COPS6: variants seen among roughly 807,000 people sequenced by gnomAD.
COPS6 encodes COP9 signalosome complex subunit 6.
A neutral mutation model predicts 41.0 loss-of-function variants in COPS6; 9 were observed. The ratio of observed to expected loss-of-function variants is 0.22; its 90% CI spans 0.13 to 0.38. The LOEUF (loss-of-function observed/expected upper bound fraction) is 0.38. Among genes scored for constraint, COPS6 ranks in the 10% least tolerant of loss-of-function variants. COPS6 has a pLI of 1.00. For synonymous variants in COPS6, 179 were observed against 162.9 expected (o/e 1.10, Z -0.75); for missense variants, 302 against 436.7 (o/e 0.69, Z 2.75).
At position 100,091,622 on chromosome 7, in the gene COPS6, G is replaced by A. The variant is rs1330536387; in HGVS notation, c.844-27G>A. On this transcript the variant is annotated intron_variant, in intron 9 of 9. Coordinates refer to ENST00000303904, the MANE Select transcript of COPS6 (RefSeq NM_006833.5). This position sits in a 1 kb window ranked among gnomAD's most constrained non-coding sequence, Gnocchi z 4.1. ...CGGGCATGCCACGAGGGATCCCGAG[G>A]AACTGGTCCTTTCTGTTCCCTCCCA... 4 of 1,614,148 alleles carry A rather than the reference G, an allele frequency of 2.5e-6. No homozygotes were observed. Among genetic ancestry groups the A allele is most frequent in the African/African-American group, 1.3e-5 (1 of 75,048 alleles).
rs1359812367 is a variant in COPS6, at chr7:100,090,601, A to C, written c.433A>C (p.Ile145Leu). The change falls in exon 5 of 10, where the codon ATC becomes CTC. Residue 145 changes from isoleucine (I) to leucine (L), a missense_variant. Physicochemically the swap from Ile to Leu is conservative, Grantham distance 5. This residue lies in a region of COPS6 where 222 missense variants were observed against 309.0 expected (regional missense o/e 0.72). Coordinates refer to ENST00000303904, the MANE Select transcript of COPS6 (RefSeq NM_006833.5). Reference sequence around the variant, plus strand: ...TGTCCCTCTCTTCCAGGTGTGTGAGATCATCGAGAGCCCCCTCTTTCTGAA... The same window carrying C: ...TGTCCCTCTCTTCCAGGTGTGTGAGCTCATCGAGAGCCCCCTCTTTCTGAA... ...DIHVHKQVCE[I>L]IESPLFLKLN... is the part of the protein sequence containing the mutation. The C allele has an allele frequency of 1.9e-6, 3 of 1,614,102 alleles. No homozygotes were observed. The highest frequency in any genetic ancestry group is 2.5e-6 in the Non-Finnish European group (3 of 1,179,998).
intron 5 of COPS6, 68 bp from the exon 6 acceptor site, chr7:100,090,834 G>A: frequency 1.3e-6 from 2 of 1,563,666 alleles, no homozygotes; most frequent in South Asian, 2.2e-5. Context: ...AAGATGAGAG[G>A]AAATGTGTAA....
At chr7:100,090,513 C>G in intron 4 of COPS6, 26 bp downstream of exon 4, 2 of 1,611,206 alleles carry the variant, frequency 1.2e-6, no homozygotes, top group Non-Finnish European at 1.7e-6. Context: ...CCTGTGCATG[C>G]TGGGGCAGAG....
At chr7:100,090,514 T>C (rs1795298947) in intron 4 of COPS6, 27 bp downstream of exon 4, 1 of 1,610,256 alleles carries the variant, frequency 6.2e-7, no homozygotes, top group African/African-American at 1.3e-5. Context: ...CTGTGCATGC[T>C]GGGGCAGAGA....
rs1309311912 is a variant in COPS6 at position 100,091,185 on chromosome 7, GA to G, written c.649+35del. The G allele has an allele frequency of 2.5e-6, 4 of 1,613,658 alleles. No individual in the cohort carries two copies. Among genetic ancestry groups the G allele is most frequent in the Non-Finnish European group, 3.4e-6 (4 of 1,179,538 alleles). ...AGGGGATTCCTTGGAAGTGGGGTTGGAAGGTGTGGCCACATCCCGTCTCAAC... is the reference window on the plus strand; with the variant it reads ...AGGGGATTCCTTGGAAGTGGGGTTGGAGGTGTGGCCACATCCCGTCTCAAC... On this transcript the variant is annotated intron_variant, in intron 7 of 9. Coordinates refer to ENST00000303904, the MANE Select transcript of COPS6 (RefSeq NM_006833.5). This position sits in a 1 kb window ranked among gnomAD's most constrained non-coding sequence, Gnocchi z 4.1.
intron 6 of COPS6, 42 bp from the exon 7 acceptor site, chr7:100,090,996 C>A (rs1332413986): frequency 6.2e-7 from 1 of 1,613,808 alleles, no homozygotes; most frequent in African/African-American, 1.3e-5. Flanking sequence ...TGGCCTCTTT[C>A]CTGCTTTTGA....
At chr7:100,090,723 T>C (rs1795302917) in intron 5 of COPS6, 69 bp downstream of exon 5, 9 of 1,526,792 alleles carry the variant, frequency 5.9e-6, no homozygotes, top group South Asian at 4.5e-5. Flanking sequence ...CACTCCTCTA[T>C]TGGGGAATGC....
Position 100,090,588 on chromosome 7 carries a change from C to A in COPS6, c.424-4C>A. The A allele has an allele frequency of 6.2e-7, 1 of 1,614,038 alleles. No individual in the cohort carries two copies. The highest frequency in any genetic ancestry group is 8.5e-7 in the Non-Finnish European group (1 of 1,179,934). On this transcript the variant is annotated splice_region_variant and splice_polypyrimidine_tract_variant and intron_variant, in intron 4 of 9. Transcript: ENST00000303904. ...ACTTCCTGTGCATTGTCCCTCTCTTCCAGGTGTGTGAGATCATCGAGAGCC... is the reference window on the plus strand; with the variant it reads ...ACTTCCTGTGCATTGTCCCTCTCTTACAGGTGTGTGAGATCATCGAGAGCC...
Position 100,090,581 on chromosome 7 carries a change from C to T in COPS6, c.424-11C>T. 1.2e-6 allele frequency: 2 copies of T among 1,613,928 alleles called. No homozygotes were observed. The highest frequency in any genetic ancestry group is 1.7e-6 in the Non-Finnish European group (2 of 1,179,814). ...GGCACTGACTTCCTGTGCATTGTCC[C>T]TCTCTTCCAGGTGTGTGAGATCATC... On this transcript the variant is annotated splice_polypyrimidine_tract_variant and intron_variant, in intron 4 of 9. Coordinates refer to ENST00000303904, the MANE Select transcript of COPS6 (RefSeq NM_006833.5).
rs140641576 is a variant in COPS6 at position 100,090,823 on chromosome 7, G to A, written c.487-79G>A. On this transcript the variant is annotated intron_variant, in intron 5 of 9. Transcript: ENST00000303904. ...AATCCCTACTTCATTGGTTTCTTGGGAAGATGAGAGGAAATGTGTAAAAGC... is the reference window on the plus strand; with the variant it reads ...AATCCCTACTTCATTGGTTTCTTGGAAAGATGAGAGGAAATGTGTAAAAGC... 1,036 of 1,540,514 alleles carry A rather than the reference G, an allele frequency of 6.7e-4. 4 individuals carry two copies. The highest frequency in any genetic ancestry group is 2.5e-3 in the Admixed American group (150 of 59,704).
At chr7:100,089,438 A>G in intron 2 of COPS6, 23 bp downstream of exon 2, 1 of 1,613,710 alleles carries the variant, frequency 6.2e-7, no homozygotes, top group East Asian at 2.2e-5. Flanking sequence ...CATAGACTCC[A>G]GTCTCTTCTC....
intron 1 of COPS6, 78 bp from the exon 2 acceptor site, chr7:100,089,212 C>T (rs1168804187): frequency 1.9e-6 from 3 of 1,541,386 alleles, no homozygotes; most frequent in African/African-American, 2.8e-5. Context: ...GCCCGGGCTC[C>T]GCCGTCCCCC....
At position 100,091,709 on chromosome 7, in the gene COPS6, A is replaced by T; in HGVS notation, c.904A>T (p.Met302Leu). 6.2e-7 allele frequency: 1 copy of T among 1,614,226 alleles called. No individual in the cohort carries two copies. ...LGTITKTCNT[M>L]NQFVNKFNVL... is the part of the protein sequence containing the mutation. The stretch of plus-strand genomic sequence containing the variant: ...CACCATCACCAAAACGTGCAACACC[A>T]TGAACCAGTTTGTGAACAAGTTCAA... The change falls in exon 10 of 10, where the codon ATG becomes TTG. Residue 302 changes from methionine to leucine, a missense_variant. This residue lies in a region of COPS6 where 222 missense variants were observed against 309.0 expected (regional missense o/e 0.72). Coordinates refer to ENST00000303904, the MANE Select transcript of COPS6 (RefSeq NM_006833.5). The surrounding 1 kb of genome is among the most constrained non-coding windows in gnomAD (Gnocchi z 4.1).
At position 100,091,527 on chromosome 7, in the gene COPS6, G is replaced by T. The variant is rs758455552; in HGVS notation, c.843+7G>T. 6.2e-7 allele frequency: 1 copy of T among 1,613,972 alleles called. No homozygotes were observed. Among genetic ancestry groups the T allele is most frequent in the South Asian group, 1.1e-5 (1 of 91,080 alleles). On this transcript the variant is annotated splice_region_variant and intron_variant, in intron 9 of 9. Transcript: ENST00000303904. The surrounding 1 kb of genome is among the most constrained non-coding windows in gnomAD (Gnocchi z 4.1). The stretch of plus-strand genomic sequence containing the variant: ...CAAGACAGATTTTTATGATGTGAGT[G>T]TAAAACCCGGATGGGGAGGCGGGGC...
At chr7:100,090,294 G>A in intron 3 of COPS6, 105 bp from the exon 4 acceptor site, 3 of 792,172 alleles carry the variant, frequency 3.8e-6, no homozygotes, top group Non-Finnish European at 6.2e-6. Context: ...GTTGTGGTGA[G>A]CTGAGATCAT....
At position 100,090,595 on chromosome 7, in the gene COPS6, T is replaced by A; in HGVS notation, c.427T>A (p.Cys143Ser). 6.2e-7 allele frequency: 1 copy of A among 1,614,122 alleles called. No homozygotes were observed. The highest frequency in any genetic ancestry group is 2.2e-5 in the East Asian group (1 of 44,878). ...PSDIHVHKQVCEIIESPLFLK... is the reference protein window; with the variant it reads ...PSDIHVHKQVSEIIESPLFLK... ...GTGCATTGTCCCTCTCTTCCAGGTG[T>A]GTGAGATCATCGAGAGCCCCCTCTT... is the stretch of plus-strand genomic sequence containing the variant. Residue 143 changes from cysteine (C) to serine (S), a missense_variant, in exon 5 of 10, where the codon TGT becomes AGT. By Grantham distance (112) the Cys-to-Ser change is moderately radical (BLOSUM62 -1). This residue lies in a region of COPS6 where 222 missense variants were observed against 309.0 expected (regional missense o/e 0.72). Coordinates refer to ENST00000303904, the MANE Select transcript of COPS6 (RefSeq NM_006833.5).
In COPS6 at chr7:100,090,911, A is replaced by G; in HGVS notation, c.496A>G (p.Ser166Gly). The G allele has an allele frequency of 6.2e-7, 1 of 1,614,212 alleles. No individual in the cohort carries two copies. Residue 166 changes from serine (S) to glycine (G), a missense_variant, in exon 6 of 10, where the codon AGC (serine) becomes GGC (glycine). Around this residue, in one of 3 missense-constraint regions of COPS6, gnomAD observed 222 missense variants for 309.0 expected, o/e 0.72. Transcript: ENST00000303904. ...TCCGTCTCCTTCACAGCTTCCTGTC[A>G]GCGTTTTTGAGTCTGTCATTGATAT... ...PMTKHTDLPVSVFESVIDIIN... is the reference protein window; with the variant it reads ...PMTKHTDLPVGVFESVIDIIN...
intron 3 of COPS6, 122 bp downstream of exon 3, chr7:100,089,868 G>A: frequency 2.2e-6 from 2 of 926,276 alleles, no homozygotes; most frequent in East Asian, 5.3e-5. Context: ...GAGAAAAAGT[G>A]AAGAGTAGCT....
rs768016038 is a variant in COPS6, at chr7:100,091,284, C to T, written c.696C>T (p.His232=). ...IAQHSAIKML[H]SRVKLILEYV... is the part of the protein sequence containing the mutation. ...AGCACAGCGCCATCAAGATGCTGCA[C>T]AGCCGCGTCAAGCTCATCTTGGAGT... Residue 232 remains histidine (H), a synonymous_variant, in exon 8 of 10, where the codon CAC becomes CAT. Transcript: ENST00000303904. The surrounding 1 kb of genome is among the most constrained non-coding windows in gnomAD (Gnocchi z 4.1). 3.7e-6 allele frequency: 6 copies of T among 1,614,186 alleles called. No homozygotes were observed. The highest frequency in any genetic ancestry group is 1.1e-5 in the South Asian group (1 of 91,084).
Sources: allele counts gnomAD v4.1 joint callset, GRCh38; gene constraint gnomAD v4.1.1; regional missense constraint gnomAD v4.1.1; non-coding constraint Gnocchi (gnomAD v3.1); transcripts MANE v1.5; gene names NCBI Gene and HGNC (gene_info 2026-07-23, HGNC 2026-07-21).